The following ZFYVE9 variants were observed in gnomAD, a reference collection of about 807,000 sequenced individuals.
ZFYVE9 encodes zinc finger FYVE-type containing 9.
Under a neutral mutation model 126.7 loss-of-function variants are expected in ZFYVE9, and 43 were observed. The ratio of observed to expected loss-of-function variants is 0.34; its 90% CI spans 0.27 to 0.44. The LOEUF (loss-of-function observed/expected upper bound fraction) is 0.44, where lower values mean the gene tolerates loss of function less well. ZFYVE9 is among the 20% of genes least tolerant of loss of function. The pLI is 1.00. For missense variants in ZFYVE9, 1,476 were observed against 1,697.0 expected, an observed-to-expected ratio of 0.87 and a Z score of 2.29; for synonymous variants, 521 against 597.4, an observed-to-expected ratio of 0.87 and a Z score of 1.87.
intron 3 of ZFYVE9, among the ~76,000 whole-genome samples, chr1:52,236,545 T>C (rs1008483321): frequency 3.3e-5 from 5 of 152,188 alleles, no homozygotes; most frequent in African/African-American, 1.2e-4. Flanking sequence ...TTCTCTAATT[T>C]ACTTAGACAT....
At chr1:52,235,986 A>G (rs1407516931) in intron 3 of ZFYVE9, among the ~76,000 whole-genome samples, 1 of 152,142 alleles carries the variant, frequency 6.6e-6, no homozygotes, top group East Asian at 1.9e-4. Context: ...GTTTATATCA[A>G]TTAGCTTATA....
At chr1:52,338,052 C>A in intron 16 of ZFYVE9, 118 bp downstream of exon 16, 1 of 1,280,208 alleles carries the variant, frequency 7.8e-7, no homozygotes, top group Non-Finnish European at 1.1e-6. Context: ...AAGAGAAAGA[C>A]TGCTTTGTAT....
chr1:52,272,576 A>G (rs76363503), intron 7 of ZFYVE9, among the ~76,000 whole-genome samples: 1 of 151,934 alleles, frequency 6.6e-6, no homozygotes, highest in Non-Finnish European at 1.5e-5. Context: ...CATTGTATGG[A>G]TATGCCATCA....
At chr1:52,332,623 T>A in intron 13 of ZFYVE9, 145 bp from the exon 14 acceptor site, 2 of 949,700 alleles carry the variant, frequency 2.1e-6, no homozygotes, top group Non-Finnish European at 1.5e-6. Context: ...GACATTTTTT[T>A]ACTTTGTTTC....
Position 52,142,870 on chromosome 1 carries a change from G to T in ZFYVE9, c.-143+467G>T, listed in dbSNP as rs1233652446. 2.0e-5 allele frequency among the ~76,000 whole-genome samples: 3 copies of T among 152,220 alleles called. No homozygotes were observed. The East Asian group carries it at 5.8e-4, about 29-fold the overall frequency. ...GGAGAGGAAGGCCAGGGTGAGAATTGGGGGTGCAGAGAGTGCGGGACCAAG... is the reference window on the plus strand; with the variant it reads ...GGAGAGGAAGGCCAGGGTGAGAATTTGGGGTGCAGAGAGTGCGGGACCAAG... On this transcript the variant is annotated intron_variant, in intron 1 of 18. Coordinates refer to ENST00000287727, the MANE Select transcript of ZFYVE9 (RefSeq NM_004799.4). This position sits in a 1 kb window ranked among gnomAD's most constrained non-coding sequence, Gnocchi z 4.5.
At chr1:52,289,727 T>C (rs1046092982) in intron 10 of ZFYVE9, among the ~76,000 whole-genome samples, 2 of 152,220 alleles carry the variant, frequency 1.3e-5, no homozygotes, top group African/African-American at 4.8e-5. Flanking sequence ...TACTTGTTTG[T>C]AGATGAGATG....
chr1:52,283,017 A>AG (rs1377038938), intron 10 of ZFYVE9, among the ~76,000 whole-genome samples: 2 of 152,188 alleles, frequency 1.3e-5, no homozygotes, highest in African/African-American at 4.8e-5. Context: ...CATAAGGGCA[A>AG]GGTGATACAT....
At chr1:52,308,177 T>TTTTCC (rs1557512993) in intron 13 of ZFYVE9, among the ~76,000 whole-genome samples, 1 of 152,152 alleles carries the variant, frequency 6.6e-6, no homozygotes, top group Non-Finnish European at 1.5e-5. Context: ...AGTAATTTCT[T>TTTTCC]TTTTCTTTTC....
intron 4 of ZFYVE9, among the ~76,000 whole-genome samples, chr1:52,243,798 A>G (rs1399897805): frequency 3.9e-5 from 6 of 152,016 alleles, no homozygotes; most frequent in African/African-American, 1.2e-4. Flanking sequence ...AAGTTAAGGA[A>G]TAGATGATGC....
At chr1:52,250,268 A>G (rs1332739656) in intron 4 of ZFYVE9, among the ~76,000 whole-genome samples, 2 of 152,030 alleles carry the variant, frequency 1.3e-5, no homozygotes, top group Non-Finnish European at 2.9e-5. Context: ...ATTTATTTGT[A>G]TGTTCTTTAA....
At chr1:52,227,492 G>A (rs1239579260) in intron 2 of ZFYVE9, among the ~76,000 whole-genome samples, 1 of 152,194 alleles carries the variant, frequency 6.6e-6, no homozygotes, top group Non-Finnish European at 1.5e-5. Context: ...TTGCAGCTGT[G>A]TATTCACCAT....
intron 10 of ZFYVE9, among the ~76,000 whole-genome samples, chr1:52,291,518 A>G (rs1645920183): frequency 6.6e-6 from 1 of 152,186 alleles, no homozygotes; most frequent in African/African-American, 2.4e-5. Context: ...TGTCTCCTTA[A>G]TGAAGGGTTG....
Position 52,249,164 on chromosome 1 carries a change from T to C in ZFYVE9, c.2178+9569T>C. ...CCCCCTTTGCCTTTTGTCATGATTG[T>C]AAGTTTCCTGGGGCCTTCCAGTCAT... On this transcript the variant is annotated intron_variant, in intron 4 of 18. Transcript: ENST00000287727. 1.3e-5 allele frequency among the ~76,000 whole-genome samples: 2 copies of C among 148,634 alleles called. 1 individual carries two copies. Among genetic ancestry groups the C allele is most frequent in the South Asian group, 4.1e-4 (2 of 4,826 alleles).
intron 2 of ZFYVE9, among the ~76,000 whole-genome samples, chr1:52,219,804 GC>G (rs1645107368): frequency 4.5e-5 from 4 of 88,136 alleles, no homozygotes; most frequent in East Asian, 4.0e-4. Context: ...TGTGTGTGTG[GC>G]AGAGTCTTAC....
intron 1 of ZFYVE9, chr1:52,160,414 A>G (rs1463775281): frequency 9.4e-7 from 1 of 1,063,310 alleles, no homozygotes. Flanking sequence ...CACTTTCTAC[A>G]TTCTTCCATC....
In ZFYVE9 at chr1:52,142,359, A is replaced by G. The variant is rs1355030308; in HGVS notation, c.-187A>G. On this transcript the variant is annotated 5_prime_UTR_variant, in exon 1 of 19. Coordinates refer to ENST00000287727, the MANE Select transcript of ZFYVE9 (RefSeq NM_004799.4). The surrounding 1 kb of genome is among the most constrained non-coding windows in gnomAD (Gnocchi z 4.5). ...TCCGGAGGAGGCTTTCGGCTCAGGG[A>G]CGACCCCCGTGGCCATGCTGAAGCG... 6.6e-6 allele frequency: 1 copy of G among 151,706 alleles called. No individual in the cohort carries two copies. The highest frequency in any genetic ancestry group is 2.0e-4 in the East Asian group (1 of 5,126). 9.4% of individuals were successfully genotyped at this position (151,706 alleles called of 1,614,324 possible). A position where few individuals can be genotyped will look rare whatever the true frequency, so the allele number is the denominator to read the frequency against.
At chr1:52,205,430 T>C (rs1487823590) in intron 1 of ZFYVE9, among the ~76,000 whole-genome samples, 5 of 151,994 alleles carry the variant, frequency 3.3e-5, no homozygotes, top group Admixed American at 6.6e-5. Context: ...TGGAGTGCAG[T>C]GGTAACTCAC....
At chr1:52,150,699 C>T (rs1440127094) in intron 1 of ZFYVE9, among the ~76,000 whole-genome samples, 4 of 149,400 alleles carry the variant, frequency 2.7e-5, no homozygotes, top group Non-Finnish European at 5.9e-5. Flanking sequence ...CCTGGGAACC[C>T]GGAGGGGAGG....
At chr1:52,329,157 C>T (rs557523127) in intron 13 of ZFYVE9, among the ~76,000 whole-genome samples, 54 of 152,146 alleles carry the variant, frequency 3.5e-4, no homozygotes, top group African/African-American at 1.2e-3. Flanking sequence ...CATTGCAAGC[C>T]GTATCAAAAT....
Sources: gnomAD v4.1 joint callset for allele counts (sites outside exome capture counted in the v4.1 genomes callset) on GRCh38, gnomAD v4.1.1 for gene constraint, Gnocchi (gnomAD v3.1) non-coding constraint, MANE v1.5 for transcripts, NCBI Gene and HGNC (gene_info 2026-07-23, HGNC 2026-07-21) for gene names.